GUCY1A2: variants seen among roughly 807,000 people sequenced by gnomAD.
The protein encoded by GUCY1A2 is guanylate cyclase soluble subunit alpha-2.
In GUCY1A2, 27 loss-of-function variants were observed where a neutral mutation model predicts 63.5. The ratio of observed to expected loss-of-function variants is 0.43; its 90% confidence interval spans 0.31 to 0.59. The LOEUF is 0.59. GUCY1A2 is among the 20% of genes least tolerant of loss of function. The pLI is 0.11. For synonymous variants in GUCY1A2, 364 were observed against 343.5 expected (o/e 1.06, Z -0.66); for missense variants, 768 against 913.3 (o/e 0.84, Z 2.05).
chr11:106,748,555 C>T (rs928226411), intron 6 of GUCY1A2, among the ~76,000 whole-genome samples: 2 of 152,126 alleles, frequency 1.3e-5, no homozygotes, highest in African/African-American at 4.8e-5. Flanking sequence ...GTTCTTTATC[C>T]ATTTGCAGAT....
At chr11:107,008,977 G>T (rs1332841684) in intron 1 of GUCY1A2, among the ~76,000 whole-genome samples, 1 of 152,212 alleles carries the variant, frequency 6.6e-6, no homozygotes, top group African/African-American at 2.4e-5. Context: ...AAAGGAAAAT[G>T]AGTCAAGTGG....
At chr11:106,883,015 G>C (rs1859847266) in intron 4 of GUCY1A2, among the ~76,000 whole-genome samples, 1 of 151,912 alleles carries the variant, frequency 6.6e-6, no homozygotes, top group Admixed American at 6.6e-5. Context: ...ATATCTCTAT[G>C]TCATCTTCTA....
intron 6 of GUCY1A2, among the ~76,000 whole-genome samples, chr11:106,744,651 A>C (rs1863755780): frequency 6.6e-6 from 1 of 152,174 alleles, no homozygotes; most frequent in South Asian, 2.1e-4. Context: ...TTATTTGAAG[A>C]GCCATATAAA....
Position 106,687,632 on chromosome 11 carries a change from G to C in GUCY1A2, c.2116C>G (p.Pro706Ala), listed in dbSNP as rs915246779. ...CTCGACGAAGAAAGAGAAGGCTTTG[G>C]TGGCTTTGGACCAGTCCTTACCTCC... Reference protein sequence around the residue: ...FLEVRTGPKPPKPSLSSSRIK... With the variant: ...FLEVRTGPKPAKPSLSSSRIK... Residue 706 changes from proline to alanine, a missense_variant, in exon 8 of 8, where the codon CCA (proline) becomes GCA (alanine). Pro to Ala is a conservative substitution (Grantham distance 27, BLOSUM62 -1). Transcript: ENST00000526355. 6.2e-7 allele frequency: 1 copy of C among 1,613,976 alleles called. No individual in the cohort carries two copies.
rs1422614540 is a variant in GUCY1A2, at chr11:106,683,092, T to C, written c.*4457A>G. The C allele has an allele frequency of 4.6e-6, 1 of 217,430 alleles. No homozygotes were observed. Among genetic ancestry groups the C allele is most frequent in the Admixed American group, 5.8e-5 (1 of 17,200 alleles). 13.5% of individuals were successfully genotyped at this position (217,430 alleles called of 1,614,324 possible). ...TGTATGTTAAACCAGCTGGTTGTGG[T>C]TTAGGAACATTCATATCAAGAGCTG... On this transcript the variant is annotated 3_prime_UTR_variant, in exon 8 of 8. Coordinates refer to ENST00000526355, the MANE Select transcript of GUCY1A2 (RefSeq NM_000855.3).
intron 1 of GUCY1A2, among the ~76,000 whole-genome samples, chr11:107,006,835 T>C (rs753311016): frequency 6.6e-6 from 1 of 152,220 alleles, no homozygotes; most frequent in African/African-American, 2.4e-5. Context: ...AAGGACTGAC[T>C]AACAAATTTA....
intron 7 of GUCY1A2, among the ~76,000 whole-genome samples, chr11:106,693,507 C>G (rs1200571831): frequency 1.3e-5 from 2 of 152,000 alleles, no homozygotes; most frequent in Non-Finnish European, 2.9e-5. Flanking sequence ...CCTTTTGAAC[C>G]TTTTGACGTA....
chr11:106,922,915 G>A (rs1476067861), intron 4 of GUCY1A2, among the ~76,000 whole-genome samples: 7 of 151,730 alleles, frequency 4.6e-5, no homozygotes, highest in Non-Finnish European at 1.0e-4. Context: ...AACGAAAGAA[G>A]ATAAAGGAAG....
At chr11:106,988,879 AGT>A (rs1333810506) in intron 1 of GUCY1A2, among the ~76,000 whole-genome samples, 5 of 152,204 alleles carry the variant, frequency 3.3e-5, no homozygotes, top group Non-Finnish European at 7.3e-5. Context: ...TGGCCTGATC[AGT>A]GAGAGACAAA....
chr11:106,958,328 G>A (rs979570134), intron 3 of GUCY1A2, among the ~76,000 whole-genome samples: 3 of 152,150 alleles, frequency 2.0e-5, no homozygotes, highest in East Asian at 1.9e-4. Context: ...GCACCCTGAT[G>A]AGCAGCTCAG....
At chr11:106,912,225 A>G (rs544862041) in intron 4 of GUCY1A2, among the ~76,000 whole-genome samples, 17 of 152,136 alleles carry the variant, frequency 1.1e-4, no homozygotes, top group African/African-American at 4.1e-4. Context: ...CCAGTTCTCA[A>G]TGCAAATCCA....
chr11:106,719,750 T>G (rs1049918490), intron 6 of GUCY1A2, among the ~76,000 whole-genome samples: 1 of 152,206 alleles, frequency 6.6e-6, no homozygotes, highest in Non-Finnish European at 1.5e-5. Flanking sequence ...TTAGCTGGTT[T>G]GGAATGAAGA....
intron 4 of GUCY1A2, among the ~76,000 whole-genome samples, chr11:106,920,640 T>G (rs1860430270): frequency 6.6e-6 from 1 of 152,168 alleles, no homozygotes; most frequent in African/African-American, 2.4e-5. Context: ...TGTTTATCAT[T>G]CAGATCTTAT....
At chr11:106,759,470 C>G (rs141122744) in intron 6 of GUCY1A2, among the ~76,000 whole-genome samples, 216 of 152,280 alleles carry the variant, frequency 1.4e-3, no homozygotes, top group African/African-American at 5.1e-3. Flanking sequence ...GAATTGTGCC[C>G]TACCCCCTTA....
intron 3 of GUCY1A2, among the ~76,000 whole-genome samples, chr11:106,975,457 G>A (rs1188076802): frequency 2.0e-5 from 3 of 152,114 alleles, no homozygotes; most frequent in African/African-American, 7.2e-5. Context: ...ATTTTGGTAT[G>A]CAAAAGACAT....
At chr11:106,941,304 T>C (rs764231598) in intron 3 of GUCY1A2, among the ~76,000 whole-genome samples, 3 of 152,174 alleles carry the variant, frequency 2.0e-5, no homozygotes, top group Non-Finnish European at 4.4e-5. Context: ...GCACAATGTA[T>C]TCTATCGTAA....
chr11:106,823,342 G>C (rs1296733240), intron 4 of GUCY1A2, among the ~76,000 whole-genome samples: 1 of 152,118 alleles, frequency 6.6e-6, no homozygotes, highest in Non-Finnish European at 1.5e-5. Context: ...GAGAACAGGT[G>C]ATATTTGATT....
intron 4 of GUCY1A2, among the ~76,000 whole-genome samples, chr11:106,845,864 T>C (rs1269853150): frequency 1.3e-5 from 2 of 151,636 alleles, no homozygotes; most frequent in African/African-American, 2.4e-5. Context: ...TACAGATAAC[T>C]TGTTAATTAC....
rs549217717 is a variant in GUCY1A2 at position 106,864,702 on chromosome 11, T to C, written c.1207-54224A>G. ...TGGTTTTTGTCAATGGTTCTGTTTA[T>C]GTGATGGATTACCTTTATTGAGTCA... On this transcript the variant is annotated intron_variant, in intron 4 of 7. Coordinates refer to ENST00000526355, the MANE Select transcript of GUCY1A2 (RefSeq NM_000855.3). 8.5e-4 allele frequency among the ~76,000 whole-genome samples: 129 copies of C among 152,316 alleles called. 1 individual carries two copies. The highest frequency in any genetic ancestry group is 3.0e-3 in the African/African-American group (126 of 41,586).
Sources: allele counts gnomAD v4.1 joint callset (sites outside exome capture counted in the v4.1 genomes callset), GRCh38; gene constraint gnomAD v4.1.1; transcripts MANE v1.5; gene names NCBI Gene and HGNC (gene_info 2026-07-23, HGNC 2026-07-21).